Variants in PLXNC1 observed in about 807,000 individuals in gnomAD.
PLXNC1 encodes the protein plexin-C1.
PLXNC1 carries 75 observed loss-of-function variants against 178.2 expected under a neutral mutation model. That is an observed-to-expected ratio of 0.42 (90% CI 0.35 to 0.51). The LOEUF (loss-of-function observed/expected upper bound fraction) is 0.51, where lower values mean the gene tolerates loss of function less well. Among genes scored for constraint, PLXNC1 ranks in the 20% least tolerant of loss-of-function variants. The pLI, the probability that PLXNC1 is intolerant of heterozygous loss-of-function variation, is 0.02. For synonymous variants in PLXNC1, 790 were observed against 779.9 expected (o/e 1.01, Z -0.22); for missense variants, 1,503 against 1,984.4 (o/e 0.76, Z 4.61).
At chr12:94,250,176 G>A (rs969831145) in intron 14 of PLXNC1, among the ~76,000 whole-genome samples, 3 of 152,134 alleles carry the variant, frequency 2.0e-5, no homozygotes, top group African/African-American at 7.2e-5. Flanking sequence ...AGTGGAGGGA[G>A]CAGAGCAGAG....
At chr12:94,217,451 A>G (rs1417346840) in intron 5 of PLXNC1, among the ~76,000 whole-genome samples, 1 of 151,464 alleles carries the variant, frequency 6.6e-6, no homozygotes, top group South Asian at 2.1e-4. Flanking sequence ...CTTTATCCCC[A>G]CCCCAGATTG....
intron 4 of PLXNC1, among the ~76,000 whole-genome samples, chr12:94,190,299 T>G (rs1962674523): frequency 6.6e-6 from 1 of 152,142 alleles, no homozygotes; most frequent in Non-Finnish European, 1.5e-5. Flanking sequence ...TGGAGTGCAG[T>G]GGTGCAATTA....
intron 14 of PLXNC1, among the ~76,000 whole-genome samples, chr12:94,249,963 A>AG (rs1158642684): frequency 4.3e-5 from 3 of 70,230 alleles, no homozygotes; most frequent in Admixed American, 1.6e-4. Context: ...AGGAGCAGGT[A>AG]GGGGGGCCAT....
chr12:94,274,155 TAAAAAAAAAAA>T lies in PLXNC1; in HGVS notation c.3598-5295_3598-5285del, dbSNP rs3060881. On this transcript the variant is annotated intron_variant, in intron 21 of 30. Transcript: ENST00000258526. ...GGGCAACACAGCAAGACCCTGTCTC[TAAAAAAAAAAA>T]AAAAAAAAAAAAAAAAAAAAATTTA... 2.4e-4 allele frequency among the ~76,000 whole-genome samples: 11 copies of T among 45,376 alleles called. No homozygotes were observed. The East Asian group carries it at 3.2e-3, about 13-fold the overall frequency. 29.8% of individuals were successfully genotyped at this position (45,376 alleles called of 152,430 possible).
At chr12:94,239,660 G>A (rs1002263050) in intron 10 of PLXNC1, among the ~76,000 whole-genome samples, 19 of 152,350 alleles carry the variant, frequency 1.2e-4, no homozygotes, top group African/African-American at 4.6e-4. Flanking sequence ...GGAAGCTGCA[G>A]GTGACAGCGG....
chr12:94,195,093 G>A (rs1962866728), intron 4 of PLXNC1, among the ~76,000 whole-genome samples: 1 of 152,102 alleles, frequency 6.6e-6, no homozygotes, highest in South Asian at 2.1e-4. Context: ...GAAGGAAGTG[G>A]GTGGAGATGC....
At chr12:94,282,132 AG>A (rs1193227843) in intron 22 of PLXNC1, 165 bp from the exon 23 acceptor site, 21 of 173,016 alleles carry the variant, frequency 1.2e-4, no homozygotes, top group South Asian at 2.0e-4. Flanking sequence ...AAACAAACAA[AG>A]TAAAACAGAA....
intron 8 of PLXNC1, 79 bp from the exon 9 acceptor site, chr12:94,227,070 C>G: frequency 2.1e-6 from 2 of 946,434 alleles, no homozygotes; most frequent in Middle Eastern, 2.2e-4. Context: ...ACTGCCTGGT[C>G]CTACCTTCTC....
chr12:94,242,302 ATTTTTTTTTTTTTT>A (rs59056862), intron 11 of PLXNC1, among the ~76,000 whole-genome samples: 4 of 97,376 alleles, frequency 4.1e-5, no homozygotes, highest in Non-Finnish European at 7.7e-5. Context: ...AATCTCCCCA[ATTTTTTTTTTTTTT>A]TTTTTTTTTT....
chr12:94,209,535 G>T, intron 4 of PLXNC1, 55 bp from the exon 5 acceptor site: 1 of 993,292 alleles, frequency 1.0e-6, no homozygotes, highest in Non-Finnish European at 1.6e-6. Context: ...GTATGGGGTC[G>T]CTGTTTTAAC....
chr12:94,220,701 C>T (rs890964145), intron 6 of PLXNC1, among the ~76,000 whole-genome samples: 2 of 152,152 alleles, frequency 1.3e-5, no homozygotes, highest in Admixed American at 6.5e-5. Context: ...TGTGTAAATA[C>T]AGGGAACATA....
At chr12:94,156,773 T>C (rs1267988481) in intron 1 of PLXNC1, among the ~76,000 whole-genome samples, 1 of 150,216 alleles carries the variant, frequency 6.7e-6, no homozygotes, top group Non-Finnish European at 1.5e-5. Context: ...AGTGGCATGA[T>C]CATAGCTTAT....
intron 4 of PLXNC1, among the ~76,000 whole-genome samples, chr12:94,199,922 C>T (rs1334529034): frequency 6.6e-6 from 1 of 152,216 alleles, no homozygotes; most frequent in Non-Finnish European, 1.5e-5. Context: ...TCCTGAGAAG[C>T]TGGGACTGAC....
intron 6 of PLXNC1, among the ~76,000 whole-genome samples, chr12:94,221,202 A>ACT (rs1963786813): frequency 6.6e-6 from 1 of 152,260 alleles, no homozygotes; most frequent in Admixed American, 6.5e-5. Flanking sequence ...TGCTTAGAAC[A>ACT]GTATCTGGCA....
At chr12:94,227,349 A>C in intron 9 of PLXNC1, 114 bp downstream of exon 9, 1 of 612,254 alleles carries the variant, frequency 1.6e-6, no homozygotes, top group South Asian at 2.2e-5. Flanking sequence ...TTTCTACCAA[A>C]ATTCCCTTTT....
intron 4 of PLXNC1, among the ~76,000 whole-genome samples, chr12:94,196,897 GAAACAA>G (rs1250385569): frequency 6.6e-6 from 1 of 152,214 alleles, no homozygotes; most frequent in Non-Finnish European, 1.5e-5. Context: ...CACAGCTGCA[GAAACAA>G]ATTCCCACAA....
At chr12:94,232,836 A>T (rs1402986192) in intron 9 of PLXNC1, among the ~76,000 whole-genome samples, 1 of 152,170 alleles carries the variant, frequency 6.6e-6, no homozygotes, top group Non-Finnish European at 1.5e-5. Context: ...TATTTTCCCC[A>T]TTTTATAGAT....
At chr12:94,256,257 G>A (rs1016527310) in intron 17 of PLXNC1, 1 of 152,168 alleles carries the variant, frequency 6.6e-6, no homozygotes, top group Admixed American at 6.5e-5. Flanking sequence ...CAGAAGCCTA[G>A]AGTTCAGAAA....
At chr12:94,258,887 C>G (rs1184649875) in intron 17 of PLXNC1, among the ~76,000 whole-genome samples, 2 of 152,212 alleles carry the variant, frequency 1.3e-5, no homozygotes, top group South Asian at 2.1e-4. Context: ...TTAACTACCC[C>G]CTGTCTTTCA....
Sources: allele counts gnomAD v4.1 joint callset (sites outside exome capture counted in the v4.1 genomes callset), GRCh38; gene constraint gnomAD v4.1.1; transcripts MANE v1.5; gene names NCBI Gene and HGNC (gene_info 2026-07-23, HGNC 2026-07-21).